PPM1E: variants seen among roughly 807,000 people sequenced by gnomAD.
The protein encoded by PPM1E is protein phosphatase 1E.
A neutral mutation model predicts 65.9 loss-of-function variants in PPM1E; 20 were observed. The observed-to-expected ratio is 0.30, with a 90% confidence interval of 0.21 to 0.44. The LOEUF (loss-of-function observed/expected upper bound fraction) is 0.44. Among genes scored for constraint, PPM1E ranks in the 20% least tolerant of loss-of-function variants. The pLI is 1.00. For missense variants in PPM1E, 713 were observed against 953.1 expected (o/e 0.75, Z 3.32); for synonymous variants, 352 against 374.9 (o/e 0.94, Z 0.70).
intron 1 of PPM1E, among the ~76,000 whole-genome samples, chr17:58,807,050 A>G (rs1598583352): frequency 6.6e-6 from 1 of 152,116 alleles, no homozygotes; most frequent in African/African-American, 2.4e-5. Flanking sequence ...TGCATTAAAA[A>G]AAATTTTAGT....
chr17:58,971,333 C>G (rs1598696922), intron 4 of PPM1E, among the ~76,000 whole-genome samples: 1 of 152,064 alleles, frequency 6.6e-6, no homozygotes, highest in South Asian at 2.1e-4. Flanking sequence ...TACAAGAGAC[C>G]TTTTACCACC....
chr17:58,776,802 C>T (rs1407993191), intron 1 of PPM1E, among the ~76,000 whole-genome samples: 1 of 152,140 alleles, frequency 6.6e-6, no homozygotes, highest in Non-Finnish European at 1.5e-5. Context: ...TGAATACCAT[C>T]AGACTCTGTT....
chr17:58,764,182 C>G (rs919941232), intron 1 of PPM1E, among the ~76,000 whole-genome samples: 2 of 151,328 alleles, frequency 1.3e-5, no homozygotes, highest in Non-Finnish European at 2.9e-5. Flanking sequence ...ACAGTACATC[C>G]CAATTTGGAG....
At chr17:58,832,955 G>T (rs577935286) in intron 1 of PPM1E, among the ~76,000 whole-genome samples, 1 of 152,100 alleles carries the variant, frequency 6.6e-6, no homozygotes, top group Non-Finnish European at 1.5e-5. Context: ...TGGGATCACA[G>T]GCATGCATCA....
intron 1 of PPM1E, among the ~76,000 whole-genome samples, chr17:58,952,157 G>A (rs1029662698): frequency 3.3e-5 from 5 of 152,234 alleles, no homozygotes; most frequent in African/African-American, 9.6e-5. Flanking sequence ...GGCTGTTAGA[G>A]TTTATGGCAG....
intron 1 of PPM1E, among the ~76,000 whole-genome samples, chr17:58,920,054 A>G (rs1279542247): frequency 6.6e-6 from 1 of 152,202 alleles, no homozygotes; most frequent in Admixed American, 6.5e-5. Flanking sequence ...AAGTGGTAAC[A>G]GGTAGTCGGA....
At chr17:58,893,745 C>T (rs905291936) in intron 1 of PPM1E, among the ~76,000 whole-genome samples, 3 of 152,006 alleles carry the variant, frequency 2.0e-5, no homozygotes, top group African/African-American at 7.2e-5. Context: ...GTACTTTATG[C>T]TTAATTTTGC....
chr17:58,950,233 G>A (rs1334190104), intron 1 of PPM1E, among the ~76,000 whole-genome samples: 3 of 152,120 alleles, frequency 2.0e-5, no homozygotes, highest in Non-Finnish European at 4.4e-5. Context: ...ATGATGGCGG[G>A]TGCCTGTAAT....
At chr17:58,911,700 T>C (rs1048941128) in intron 1 of PPM1E, among the ~76,000 whole-genome samples, 29 of 152,212 alleles carry the variant, frequency 1.9e-4, no homozygotes, top group African/African-American at 6.5e-4. Flanking sequence ...AACAAATACT[T>C]ATTGAATGCC....
At chr17:58,868,993 C>A (rs2051038885) in intron 1 of PPM1E, among the ~76,000 whole-genome samples, 1 of 152,216 alleles carries the variant, frequency 6.6e-6, no homozygotes, top group Non-Finnish European at 1.5e-5. Flanking sequence ...ACAGCAAAAC[C>A]TTGTCTTTAC....
At chr17:58,913,793 T>G (rs2051655520) in intron 1 of PPM1E, among the ~76,000 whole-genome samples, 1 of 151,968 alleles carries the variant, frequency 6.6e-6, no homozygotes, top group South Asian at 2.1e-4. Context: ...AAATAGAGAG[T>G]CTGAAAAATA....
At chr17:58,901,728 G>A (rs1363618650) in intron 1 of PPM1E, among the ~76,000 whole-genome samples, 2 of 151,870 alleles carry the variant, frequency 1.3e-5, no homozygotes, top group African/African-American at 4.8e-5. Context: ...TATAATCCCA[G>A]CACTTTGGGA....
intron 1 of PPM1E, among the ~76,000 whole-genome samples, chr17:58,874,671 T>C (rs897644239): frequency 2.0e-5 from 3 of 152,146 alleles, no homozygotes; most frequent in African/African-American, 7.2e-5. Context: ...ATAACCTGGT[T>C]TGTACTACCT....
chr17:58,979,913 C>A, intron 6 of PPM1E, 61 bp from the exon 7 acceptor site: 1 of 1,351,276 alleles, frequency 7.4e-7, no homozygotes, highest in Non-Finnish European at 1.0e-6. Context: ...TGGTCATAAA[C>A]GTTCTTAGCA....
intron 1 of PPM1E, among the ~76,000 whole-genome samples, chr17:58,898,998 G>A (rs1324982851): frequency 6.0e-5 from 9 of 151,178 alleles, no homozygotes; most frequent in African/African-American, 2.2e-4. Context: ...TCACACACTG[G>A]GGCCTGTCGT....
chr17:58,867,181 A>G (rs2051014905), intron 1 of PPM1E, among the ~76,000 whole-genome samples: 1 of 152,092 alleles, frequency 6.6e-6, no homozygotes, highest in Non-Finnish European at 1.5e-5. Context: ...GGGTTTCACC[A>G]TGTTGGTCAG....
chr17:58,794,791 A>T (rs1297495148), intron 1 of PPM1E, among the ~76,000 whole-genome samples: 2 of 150,944 alleles, frequency 1.3e-5, no homozygotes, highest in African/African-American at 2.4e-5. Context: ...TATACACCAC[A>T]TTTTCTTTAT....
intron 1 of PPM1E, among the ~76,000 whole-genome samples, chr17:58,780,983 AAGG>A (rs2050044174): frequency 6.6e-6 from 1 of 152,146 alleles, no homozygotes; most frequent in Non-Finnish European, 1.5e-5. Flanking sequence ...AAGTTTGTGA[AAGG>A]AGTTTTAATT....
chr17:58,969,432 C>G (rs747128113), intron 3 of PPM1E, 107 bp from the exon 4 acceptor site: 1 of 1,054,780 alleles, frequency 9.5e-7, no homozygotes, highest in Non-Finnish European at 1.5e-6. Context: ...TTCTGAATGA[C>G]AAATGCAGTG....
Sources: allele counts gnomAD v4.1 joint callset (sites outside exome capture counted in the v4.1 genomes callset), GRCh38; gene constraint gnomAD v4.1.1; transcripts MANE v1.5; gene names NCBI Gene and HGNC (gene_info 2026-07-23, HGNC 2026-07-21).